VPS41: variants seen among roughly 807,000 people sequenced by gnomAD.
VPS41 encodes vacuolar protein sorting-associated protein 41 homolog.
In VPS41, 85 loss-of-function variants were observed where a neutral mutation model predicts 130.9. That is an observed-to-expected ratio of 0.65 (90% confidence interval 0.55 to 0.78). The LOEUF is 0.78. VPS41 is among the 30% of genes least tolerant of loss of function. VPS41 has a pLI of 0.00. For missense variants in VPS41, 874 were observed against 1,018.7 expected, an observed-to-expected ratio of 0.86 and a Z score of 1.93; for synonymous variants, 335 against 332.9, an observed-to-expected ratio of 1.01 and a Z score of -0.07.
intron 6 of VPS41, among the ~76,000 whole-genome samples, chr7:38,819,486 C>G (rs965904754): frequency 2.0e-5 from 3 of 152,206 alleles, no homozygotes; most frequent in African/African-American, 7.2e-5. Flanking sequence ...AGAAGAGTCT[C>G]TGCTGATTGT....
chr7:38,880,284 TTCTTA>T (rs539935978), intron 2 of VPS41, among the ~76,000 whole-genome samples: 304 of 152,338 alleles, frequency 2.0e-3, no homozygotes, highest in African/African-American at 7.1e-3. Context: ...ACAGTAACAC[TTCTTA>T]TCTAATTACC....
intron 4 of VPS41, among the ~76,000 whole-genome samples, chr7:38,844,882 G>A (rs1027208232): frequency 9.2e-5 from 14 of 152,102 alleles, no homozygotes; most frequent in African/African-American, 2.4e-4. Flanking sequence ...CAACAGCCCC[G>A]TGTGCATGGC....
intron 7 of VPS41, among the ~76,000 whole-genome samples, chr7:38,803,672 G>A (rs919350739): frequency 6.6e-6 from 1 of 152,316 alleles, no homozygotes; most frequent in African/African-American, 2.4e-5. Flanking sequence ...AAAAGATCAT[G>A]AGCAAAATTT....
chr7:38,864,967 A>G (rs936691632), intron 3 of VPS41, among the ~76,000 whole-genome samples: 2 of 152,102 alleles, frequency 1.3e-5, no homozygotes, highest in African/African-American at 4.8e-5. Context: ...ATCCATAAAG[A>G]CTGGACTTTA....
intron 4 of VPS41, among the ~76,000 whole-genome samples, chr7:38,847,635 A>G (rs1240615330): frequency 1.3e-5 from 2 of 152,208 alleles, no homozygotes; most frequent in African/African-American, 2.4e-5. Flanking sequence ...CAGCTAAAGA[A>G]AGCCAAACAT....
intron 2 of VPS41, among the ~76,000 whole-genome samples, chr7:38,873,657 AG>A (rs1247036797): frequency 6.6e-6 from 1 of 152,186 alleles, no homozygotes; most frequent in Non-Finnish European, 1.5e-5. Context: ...AGCTAAGCGA[AG>A]ATATGAACAG....
intron 2 of VPS41, among the ~76,000 whole-genome samples, chr7:38,876,940 G>A (rs1472612391): frequency 2.0e-5 from 3 of 150,960 alleles, no homozygotes; most frequent in African/African-American, 4.9e-5. Flanking sequence ...GGGAAAAAAT[G>A]AGAAAAGCAA....
In VPS41 at chr7:38,879,764, A is replaced by T. The variant is rs368005625; in HGVS notation, c.61-10511T>A. Among the ~76,000 whole-genome samples the T allele has an allele frequency of 1.1e-4, 17 of 152,206 alleles. No individual in the cohort carries two copies. In the South Asian group the frequency reaches 3.3e-3, roughly 30 times the overall value. ...CTGTGGCTGATCTAACAGGAGGTGG[A>T]CCGCAGGCGGTAATGCTCACTCCCC... On this transcript the variant is annotated intron_variant, in intron 2 of 28. Transcript: ENST00000310301.
At chr7:38,901,033 T>C (rs1392436018) in intron 1 of VPS41, among the ~76,000 whole-genome samples, 1 of 151,886 alleles carries the variant, frequency 6.6e-6, no homozygotes, top group East Asian at 1.9e-4. Flanking sequence ...TTTTCAAACT[T>C]TTTTTTTAGC....
chr7:38,881,428 C>T (rs769871855), intron 2 of VPS41, among the ~76,000 whole-genome samples: 1 of 152,198 alleles, frequency 6.6e-6, no homozygotes, highest in Non-Finnish European at 1.5e-5. Context: ...GATTAGCAAC[C>T]TTAATTTTCC....
chr7:38,816,517 T>C (rs1352387600), intron 7 of VPS41, among the ~76,000 whole-genome samples: 1 of 152,214 alleles, frequency 6.6e-6, no homozygotes, highest in African/African-American at 2.4e-5. Flanking sequence ...GAAATAGCTA[T>C]AGACTACTTC....
chr7:38,728,525 G>T lies in VPS41; in HGVS notation c.2404+17C>A, dbSNP rs770335597. On this transcript the variant is annotated intron_variant, in intron 27 of 28. Transcript: ENST00000310301. ...TAAAATACATGTTTGGGATTTTTTT[G>T]GGGAAAACCTTCTTACCTGATGGAA... The T allele has an allele frequency of 6.2e-7, 1 of 1,613,786 alleles. No homozygotes were observed. Among genetic ancestry groups the T allele is most frequent in the African/African-American group, 1.3e-5 (1 of 74,852 alleles).
intron 25 of VPS41, among the ~76,000 whole-genome samples, chr7:38,733,279 T>G (rs1795703347): frequency 6.6e-6 from 1 of 152,250 alleles, no homozygotes; most frequent in Non-Finnish European, 1.5e-5. Flanking sequence ...ACTTATTATT[T>G]TCCTAGAAAA....
chr7:38,899,207 G>T (rs533903504), intron 1 of VPS41, among the ~76,000 whole-genome samples: 1 of 152,068 alleles, frequency 6.6e-6, no homozygotes, highest in Non-Finnish European at 1.5e-5. Flanking sequence ...GGGTAAAATG[G>T]GGATATGTTC....
At chr7:38,752,932 T>A (rs1309712592) in intron 21 of VPS41, among the ~76,000 whole-genome samples, 2 of 152,060 alleles carry the variant, frequency 1.3e-5, no homozygotes, top group African/African-American at 4.8e-5. Flanking sequence ...AAAACAAAAA[T>A]ACAAAGTAAA....
At chr7:38,884,584 A>T (rs550631536) in intron 2 of VPS41, among the ~76,000 whole-genome samples, 7 of 152,242 alleles carry the variant, frequency 4.6e-5, no homozygotes, top group Non-Finnish European at 7.4e-5. Context: ...TGAACTCGTG[A>T]CCTCAAGCAA....
chr7:38,898,945 C>T (rs992528572), intron 1 of VPS41, among the ~76,000 whole-genome samples: 1 of 42,390 alleles, frequency 2.4e-5, no homozygotes, highest in Non-Finnish European at 4.0e-5. Flanking sequence ...ATGAGATAAA[C>T]AAAGAACAAG....
intron 22 of VPS41, among the ~76,000 whole-genome samples, chr7:38,750,887 A>G (rs751569395): frequency 9.2e-5 from 14 of 152,226 alleles, no homozygotes; most frequent in Non-Finnish European, 1.8e-4. Flanking sequence ...TCTCTGAAAT[A>G]TACAATGTTC....
At chr7:38,859,522 T>C (rs763387557) in intron 4 of VPS41, among the ~76,000 whole-genome samples, 34 of 152,168 alleles carry the variant, frequency 2.2e-4, no homozygotes, top group Non-Finnish European at 4.6e-4. Context: ...TATATTTAGG[T>C]ATGTTTAAAT....
Sources: gnomAD v4.1 joint callset for allele counts (sites outside exome capture counted in the v4.1 genomes callset) on GRCh38, gnomAD v4.1.1 for gene constraint, MANE v1.5 for transcripts, NCBI Gene and HGNC (gene_info 2026-07-23, HGNC 2026-07-21) for gene names.